OSBP: variants seen among roughly 807,000 people sequenced by gnomAD.
The protein encoded by OSBP is oxysterol-binding protein 1.
Under a neutral mutation model 96.6 loss-of-function variants are expected in OSBP, and 32 were observed. That is an observed-to-expected ratio of 0.33 (90% CI 0.25 to 0.45). The LOEUF is 0.45. OSBP is among the 20% of genes least tolerant of loss of function. The pLI, the probability that OSBP is intolerant of heterozygous loss-of-function variation, is 1.00. For synonymous variants in OSBP, 369 were observed against 389.6 expected (o/e 0.95, Z 0.62); for missense variants, 653 against 1,029.7 (o/e 0.63, Z 5.01).
intron 3 of OSBP, among the ~76,000 whole-genome samples, chr11:59,604,120 A>C (rs1316099546): frequency 6.6e-6 from 1 of 152,230 alleles, no homozygotes; most frequent in Admixed American, 6.5e-5. Context: ...TAAGTTATTT[A>C]ACCTCTCTGT....
chr11:59,614,744 T>G (rs1395148934), intron 1 of OSBP, among the ~76,000 whole-genome samples: 2 of 152,210 alleles, frequency 1.3e-5, no homozygotes, highest in African/African-American at 4.8e-5. Flanking sequence ...CTTGGAGAGA[T>G]AAGGCAGAAA....
intron 3 of OSBP, among the ~76,000 whole-genome samples, chr11:59,604,150 T>C (rs1358615072): frequency 6.6e-6 from 1 of 152,190 alleles, no homozygotes; most frequent in Non-Finnish European, 1.5e-5. Flanking sequence ...TCCTTTTCCA[T>C]AAACAAATAG....
chr11:59,603,027 A>G (rs1208449399), intron 3 of OSBP, among the ~76,000 whole-genome samples: 1 of 152,166 alleles, frequency 6.6e-6, no homozygotes, highest in Non-Finnish European at 1.5e-5. Flanking sequence ...ATCTTTCTTT[A>G]AGATCTATGG....
rs1184037322 is a variant in OSBP at position 59,615,409 on chromosome 11, C to T, written c.256G>A (p.Gly86Ser). ...TGGSGGSGAG[G>S]SGSAREGWLF... Reference sequence around the variant, plus strand: ...CAGCCCTCTCGAGCCGAGCCCGAACCCCCAGCGCCCGAGCCGCCCGAGCCC... The same window carrying T: ...CAGCCCTCTCGAGCCGAGCCCGAACTCCCAGCGCCCGAGCCGCCCGAGCCC... The change falls in exon 1 of 14, where the codon GGT becomes AGT. Residue 86 changes from glycine (G) to serine (S), a missense_variant. Gly to Ser is a moderately conservative substitution (Grantham distance 56). Coordinates refer to ENST00000263847, the MANE Select transcript of OSBP (RefSeq NM_002556.3). The T allele has an allele frequency of 3.2e-6, 5 of 1,545,278 alleles. No individual in the cohort carries two copies. The Admixed American group carries it at 7.5e-5, about 23-fold the overall frequency.
intron 2 of OSBP, among the ~76,000 whole-genome samples, chr11:59,609,728 CGTACCATTTTCCTTGAAG>C (rs1253627976): frequency 3.9e-5 from 6 of 152,140 alleles, no homozygotes; most frequent in Non-Finnish European, 5.9e-5. Context: ...AGGAGAAAAT[CGTACCATTTTCCTTGAAG>C]AATAATCAAA....
At chr11:59,612,388 T>C (rs1172029911) in intron 1 of OSBP, among the ~76,000 whole-genome samples, 1 of 152,198 alleles carries the variant, frequency 6.6e-6, no homozygotes, top group Non-Finnish European at 1.5e-5. Context: ...AGCTCGCTCA[T>C]GTTTTCTACT....
chr11:59,577,984 G>A (rs919031226), intron 12 of OSBP, among the ~76,000 whole-genome samples, 165 bp downstream of exon 12: 2 of 152,206 alleles, frequency 1.3e-5, no homozygotes, highest in African/African-American at 4.8e-5. Context: ...CATGCTACAA[G>A]TCAAATCATA....
intron 7 of OSBP, among the ~76,000 whole-genome samples, chr11:59,596,118 C>T (rs1358941453): frequency 1.3e-5 from 2 of 151,718 alleles, no homozygotes; most frequent in Admixed American, 6.6e-5. Flanking sequence ...GAAATAGGAC[C>T]CACCAAAACA....
rs1477108900 is a variant in OSBP at position 59,581,567 on chromosome 11, A to G, written c.1679-13T>C. 2.0e-6 allele frequency: 3 copies of G among 1,533,118 alleles called. No individual in the cohort carries two copies. The highest frequency in any genetic ancestry group is 2.7e-6 in the Non-Finnish European group (3 of 1,106,966). 95.0% of individuals were successfully genotyped at this position (1,533,118 alleles called of 1,614,324 possible). ...CAATGAATGGTACCTGGAAGCAGAA[A>G]GAGGTATCCAAATTAAGCCAAATGT... is the stretch of plus-strand genomic sequence containing the variant. On this transcript the variant is annotated splice_polypyrimidine_tract_variant and intron_variant, in intron 9 of 13. Transcript: ENST00000263847.
At chr11:59,610,642 T>C in intron 1 of OSBP, 53 bp from the exon 2 acceptor site, 9 of 1,392,464 alleles carry the variant, frequency 6.5e-6, no homozygotes, top group Non-Finnish European at 9.2e-6. Context: ...GTTTATCCTT[T>C]ATCACATTCC....
intron 7 of OSBP, among the ~76,000 whole-genome samples, chr11:59,597,632 C>T (rs1026697646): frequency 6.6e-6 from 1 of 152,074 alleles, no homozygotes; most frequent in South Asian, 2.1e-4. Context: ...CTCAACCTCC[C>T]GGTCTCAAGT....
At chr11:59,578,475 G>C (rs1205998359) in intron 11 of OSBP, 145 bp from the exon 12 acceptor site, 1 of 783,024 alleles carries the variant, frequency 1.3e-6, no homozygotes, top group African/African-American at 1.7e-5. Context: ...ATTAGAGATG[G>C]GATCTTGCTC....
In OSBP at chr11:59,574,740, G is replaced by A. The variant is rs1860340864; in HGVS notation, c.*1837C>T. 1 of 152,566 alleles carries A rather than the reference G, an allele frequency of 6.6e-6. No individual in the cohort carries two copies. Among genetic ancestry groups the A allele is most frequent in the Non-Finnish European group, 1.5e-5 (1 of 68,018 alleles). The allele number at this position is 152,566 out of a possible 1,614,324, so 9.5% of individuals were successfully genotyped here. A position where few individuals can be genotyped will look rare whatever the true frequency, so the allele number is the denominator to read the frequency against. ...ATTTTGGGAATAAGGTTCTTAGGAG[G>A]AAATTCCCCAGCAGTCAAAGTCACT... On this transcript the variant is annotated 3_prime_UTR_variant, in exon 14 of 14. Transcript: ENST00000263847.
intron 3 of OSBP, among the ~76,000 whole-genome samples, chr11:59,607,374 T>C (rs1860793296): frequency 6.6e-6 from 1 of 152,128 alleles, no homozygotes. Context: ...AGTCCCTAAG[T>C]GGAGAATGTA....
intron 7 of OSBP, among the ~76,000 whole-genome samples, chr11:59,599,359 G>C (rs1860692654): frequency 6.6e-6 from 1 of 152,122 alleles, no homozygotes; most frequent in African/African-American, 2.4e-5. Flanking sequence ...GGTAGCCAGA[G>C]TTGGCCTGAG....
intron 7 of OSBP, among the ~76,000 whole-genome samples, chr11:59,597,444 T>C (rs1860673117): frequency 6.6e-6 from 1 of 152,166 alleles, no homozygotes; most frequent in East Asian, 1.9e-4. Flanking sequence ...AGGCACCTAA[T>C]ACTCCAGACA....
chr11:59,582,579 G>C (rs77010310), intron 9 of OSBP, among the ~76,000 whole-genome samples: 1 of 152,206 alleles, frequency 6.6e-6, no homozygotes, highest in East Asian at 1.9e-4. Context: ...GCACTTTCCT[G>C]AGTTGAGTCA....
chr11:59,580,201 G>C lies in OSBP; in HGVS notation c.1851C>G (p.Ser617Arg), dbSNP rs1295806311. 1.2e-6 allele frequency: 2 copies of C among 1,610,352 alleles called. No homozygotes were observed. The highest frequency in any genetic ancestry group is 1.7e-6 in the Non-Finnish European group (2 of 1,176,870). ...DKCNLKFVPYSYFSRDVARKV... is the reference protein window; with the variant it reads ...DKCNLKFVPYRYFSRDVARKV... ...TTCTTGCTACATCCCGAGAGAAGTA[G>C]CTATAAGGAACAAATTTAAGATTAC... is the stretch of plus-strand genomic sequence containing the variant. Residue 617 changes from serine to arginine, a missense_variant, in exon 11 of 14, where the codon AGC becomes AGG. Coordinates refer to ENST00000263847, the MANE Select transcript of OSBP (RefSeq NM_002556.3).
At chr11:59,615,113 G>A (rs1033893241) in intron 1 of OSBP, among the ~76,000 whole-genome samples, 190 bp downstream of exon 1, 2 of 152,208 alleles carry the variant, frequency 1.3e-5, no homozygotes, top group Middle Eastern at 6.3e-3. Flanking sequence ...GGGGAGGGGA[G>A]GTGTACGTCC....
Sources: gnomAD v4.1 joint callset for allele counts (sites outside exome capture counted in the v4.1 genomes callset) on GRCh38, gnomAD v4.1.1 for gene constraint, MANE v1.5 for transcripts, NCBI Gene and HGNC (gene_info 2026-07-23, HGNC 2026-07-21) for gene names.